TRPM3: variants seen among roughly 807,000 people sequenced by gnomAD.
TRPM3 encodes long transient receptor potential channel 3.
In TRPM3, 77 loss-of-function variants were observed where a neutral mutation model predicts 181.2. That is an observed-to-expected ratio of 0.42 (90% CI 0.35 to 0.51). TRPM3 has a LOEUF of 0.51. TRPM3 is among the 20% of genes least tolerant of loss of function. The pLI is 0.01. For missense variants in TRPM3, 1,759 were observed against 2,196.7 expected (o/e 0.80, Z 3.98); for synonymous variants, 745 against 796.4 (o/e 0.94, Z 1.09).
intron 1 of TRPM3, among the ~76,000 whole-genome samples, chr9:71,076,328 A>G (rs537155039): frequency 4.6e-5 from 7 of 152,334 alleles, no homozygotes; most frequent in African/African-American, 1.7e-4. Flanking sequence ...CTAGCATATT[A>G]CTGAATTTTG....
intron 1 of TRPM3, among the ~76,000 whole-genome samples, chr9:71,074,537 A>G (rs1759398057): frequency 6.6e-6 from 1 of 152,142 alleles, no homozygotes; most frequent in African/African-American, 2.4e-5. Flanking sequence ...CTGGTACAAA[A>G]GTAATTGCGG....
intron 11 of TRPM3, among the ~76,000 whole-genome samples, chr9:70,638,486 C>T (rs1472587773): frequency 6.6e-6 from 1 of 152,140 alleles, no homozygotes; most frequent in African/African-American, 2.4e-5. Flanking sequence ...ACTTCATAAA[C>T]AGTAGTTTTA....
At chr9:71,285,001 A>G (rs1387675682) in intron 1 of TRPM3, among the ~76,000 whole-genome samples, 2 of 152,224 alleles carry the variant, frequency 1.3e-5, no homozygotes, top group African/African-American at 4.8e-5. Flanking sequence ...CATTTTCCAT[A>G]ATTTCAATTT....
At chr9:70,791,330 G>C (rs1446944769) in intron 6 of TRPM3, among the ~76,000 whole-genome samples, 1 of 152,136 alleles carries the variant, frequency 6.6e-6, no homozygotes, top group Non-Finnish European at 1.5e-5. Context: ...CAGTCGACAC[G>C]CAACAAAATG....
At chr9:70,979,026 G>A (rs1173825515) in intron 1 of TRPM3, among the ~76,000 whole-genome samples, 1 of 152,170 alleles carries the variant, frequency 6.6e-6, no homozygotes, top group Non-Finnish European at 1.5e-5. Context: ...TCATCTCAAG[G>A]AAACACTTTT....
chr9:71,172,368 T>C lies in TRPM3; in HGVS notation c.183+274285A>G, dbSNP rs142080153. Among the ~76,000 whole-genome samples, 169 of 152,274 alleles carry C rather than the reference T, an allele frequency of 1.1e-3. 1 individual carries two copies. The highest frequency in any genetic ancestry group is 7.4e-3 in the East Asian group (38 of 5,162). On this transcript the variant is annotated intron_variant, in intron 1 of 24. Coordinates refer to the TRPM3 transcript ENST00000357533. Reference sequence around the variant, plus strand: ...ATAAATGTCTTTAATAGTTTTATCATTGTCATGTTCAAGGACATTTGCAGC... The same window carrying C: ...ATAAATGTCTTTAATAGTTTTATCACTGTCATGTTCAAGGACATTTGCAGC...
chr9:71,440,647 C>G (rs1318516190), intron 1 of TRPM3, among the ~76,000 whole-genome samples: 1 of 152,188 alleles, frequency 6.6e-6, no homozygotes, highest in Non-Finnish European at 1.5e-5. Flanking sequence ...TCTGTGTTGT[C>G]ACTTTGCATA....
intron 7 of TRPM3, chr9:70,783,887 C>T (rs536475505): frequency 3.8e-5 from 48 of 1,254,320 alleles, no homozygotes; most frequent in African/African-American, 1.2e-4. Context: ...TTTTATTATC[C>T]GTGTAGCTTT....
At chr9:71,176,455 A>G (rs920344051) in intron 1 of TRPM3, among the ~76,000 whole-genome samples, 1 of 152,214 alleles carries the variant, frequency 6.6e-6, no homozygotes, top group Non-Finnish European at 1.5e-5. Context: ...ATTTTTGTAC[A>G]GCTACGCAAA....
At chr9:70,628,233 T>C (rs752925456) in intron 12 of TRPM3, among the ~76,000 whole-genome samples, 1 of 152,148 alleles carries the variant, frequency 6.6e-6, no homozygotes, top group Non-Finnish European at 1.5e-5. Context: ...AGGGCTCCTA[T>C]GGGGATGACC....
intron 8 of TRPM3, among the ~76,000 whole-genome samples, chr9:70,684,818 A>C (rs1430455661): frequency 6.6e-6 from 1 of 152,182 alleles, no homozygotes; most frequent in East Asian, 1.9e-4. Context: ...TTTTGCAATG[A>C]TGTTTGTGAG....
chr9:71,069,133 C>T (rs2062346243), intron 1 of TRPM3, among the ~76,000 whole-genome samples: 1 of 152,206 alleles, frequency 6.6e-6, no homozygotes, highest in African/African-American at 2.4e-5. Flanking sequence ...TGCCTATGTA[C>T]TCATATTGAA....
chr9:71,331,825 G>GGAAGAGGAGAGGGAGGAGGAGGAA (rs1565470420), intron 1 of TRPM3, among the ~76,000 whole-genome samples: 16 of 1,162 alleles, frequency 0.014, no homozygotes, highest in Non-Finnish European at 0.015. Context: ...GAGAGGAGAA[G>GGAAGAGGAGAGGGAGGAGGAGGAA]GAAGAGGAGA....
chr9:71,412,493 T>A (rs898440675), intron 1 of TRPM3, among the ~76,000 whole-genome samples: 7 of 151,940 alleles, frequency 4.6e-5, no homozygotes, highest in Non-Finnish European at 8.8e-5. Context: ...AACAGACACA[T>A]GAAAAAATGC....
At chr9:70,839,957 A>T (rs2094539895) in intron 5 of TRPM3, among the ~76,000 whole-genome samples, 1 of 152,192 alleles carries the variant, frequency 6.6e-6, no homozygotes, top group African/African-American at 2.4e-5. Context: ...GCTAGCTGAG[A>T]AAAGAGTTGC....
chr9:70,810,912 C>T (rs2091901958), intron 6 of TRPM3, among the ~76,000 whole-genome samples: 1 of 152,114 alleles, frequency 6.6e-6, no homozygotes, highest in Non-Finnish European at 1.5e-5. Context: ...TAGCATGGTG[C>T]TTGGAACCTA....
chr9:71,429,191 T>C (rs565743332), intron 1 of TRPM3, among the ~76,000 whole-genome samples: 3 of 152,178 alleles, frequency 2.0e-5, no homozygotes, highest in Admixed American at 1.3e-4. Context: ...TAAATGTTTT[T>C]TCTGGTAGCT....
chr9:70,998,726 T>C (rs1285361964), intron 1 of TRPM3, among the ~76,000 whole-genome samples: 2 of 152,180 alleles, frequency 1.3e-5, no homozygotes, highest in Non-Finnish European at 2.9e-5. Context: ...GTTTACATTA[T>C]TCCCATGAGA....
At chr9:70,562,633 G>A (rs1236520017) in intron 22 of TRPM3, among the ~76,000 whole-genome samples, 1 of 145,770 alleles carries the variant, frequency 6.9e-6, no homozygotes, top group East Asian at 2.2e-4. Flanking sequence ...GGGAGGTATG[G>A]GGGGAAGAGC....
Sources: allele counts gnomAD v4.1 joint callset (sites outside exome capture counted in the v4.1 genomes callset), GRCh38; gene constraint gnomAD v4.1.1; transcripts MANE v1.5; gene names NCBI Gene and HGNC (gene_info 2026-07-23, HGNC 2026-07-21).